The following AK7 variants were observed in gnomAD, a reference collection of about 807,000 sequenced individuals.
AK7 encodes the protein ATP-AMP transphosphorylase 7.
In AK7, 78 loss-of-function variants were observed where a neutral mutation model predicts 96.6. That is an observed-to-expected ratio of 0.81 (90% CI 0.67 to 0.97). The LOEUF (loss-of-function observed/expected upper bound fraction) is 0.97. AK7 is among the 50% of genes least tolerant of loss of function. The pLI is 0.00. For synonymous variants in AK7, 302 were observed against 317.2 expected, an observed-to-expected ratio of 0.95 and a Z score of 0.51; for missense variants, 855 against 887.9, an observed-to-expected ratio of 0.96 and a Z score of 0.47.
intron 4 of AK7, among the ~76,000 whole-genome samples, chr14:96,419,962 T>A (rs1891583375): frequency 6.6e-6 from 1 of 151,560 alleles, no homozygotes; most frequent in Non-Finnish European, 1.5e-5. Context: ...CTAATTTTTG[T>A]ATTTTTAGCA....
chr14:96,446,530 G>T lies in AK7; in HGVS notation c.793G>T (p.Val265Phe), dbSNP rs114724524. The T allele has an allele frequency of 7.4e-6, 12 of 1,613,926 alleles. No individual in the cohort carries two copies. In the African/African-American group the frequency reaches 9.3e-5, roughly 13 times the overall value. Residue 265 changes from valine to phenylalanine, a missense_variant, in exon 8 of 18, where the codon GTC (valine) becomes TTC (phenylalanine). Physicochemically the swap from Val to Phe is conservative, Grantham distance 50 (BLOSUM62 -1). Coordinates refer to ENST00000267584, the MANE Select transcript of AK7 (RefSeq NM_152327.5). Reference sequence around the variant, plus strand: ...GTGGGTCTGCAGAGTGATACAAAACGTCATAGATCACGTGCCAAAGCCTCA... The same window carrying T: ...GTGGGTCTGCAGAGTGATACAAAACTTCATAGATCACGTGCCAAAGCCTCA... Reference protein sequence around the residue: ...VLDLAGVIQNVIDHVPKPHYL... With the variant: ...VLDLAGVIQNFIDHVPKPHYL...
chr14:96,449,637 TCA>T, intron 8 of AK7, among the ~76,000 whole-genome samples, 163 bp from the exon 9 acceptor site: 1 of 152,190 alleles, frequency 6.6e-6, no homozygotes, highest in Non-Finnish European at 1.5e-5. Context: ...TTTCACCATG[TCA>T]GCCAGGTTGG....
At chr14:96,471,669 A>G in intron 13 of AK7, 63 bp downstream of exon 13, 1 of 1,304,166 alleles carries the variant, frequency 7.7e-7, no homozygotes, top group South Asian at 2.0e-5. Flanking sequence ...TATTGTTCAG[A>G]GAAGTAGTCA....
At chr14:96,404,486 G>A (rs1168046380) in intron 2 of AK7, among the ~76,000 whole-genome samples, 1 of 152,094 alleles carries the variant, frequency 6.6e-6, no homozygotes, top group Non-Finnish European at 1.5e-5. Flanking sequence ...CTTCTGAATT[G>A]GAGTTTAAAC....
At chr14:96,407,338 A>G (rs968980969) in intron 3 of AK7, among the ~76,000 whole-genome samples, 3 of 152,226 alleles carry the variant, frequency 2.0e-5, no homozygotes, top group African/African-American at 7.2e-5. Flanking sequence ...AACAAAAGTA[A>G]CACAAAGTTT....
chr14:96,462,532 C>T (rs1045756394), intron 12 of AK7, among the ~76,000 whole-genome samples: 3 of 152,176 alleles, frequency 2.0e-5, no homozygotes, highest in Non-Finnish European at 4.4e-5. Flanking sequence ...CTCCCATCGG[C>T]CCCTGATGGT....
rs1044187680 is a variant in AK7 at position 96,483,812 on chromosome 14, T to G, written c.1974+593T>G. Among the ~76,000 whole-genome samples the G allele has an allele frequency of 3.3e-5, 5 of 152,326 alleles. No homozygotes were observed. The South Asian group carries it at 1.0e-3, about 32-fold the overall frequency. On this transcript the variant is annotated intron_variant, in intron 16 of 17. Coordinates refer to ENST00000267584, the MANE Select transcript of AK7 (RefSeq NM_152327.5). ...AAATGTGTAACATTTTACTATGCATTGACCTCATGATTTGATTTGATTTTC... is the reference window on the plus strand; with the variant it reads ...AAATGTGTAACATTTTACTATGCATGGACCTCATGATTTGATTTGATTTTC...
chr14:96,485,951 G>A (rs566830671), intron 16 of AK7, among the ~76,000 whole-genome samples: 2 of 151,866 alleles, frequency 1.3e-5, no homozygotes, highest in Non-Finnish European at 2.9e-5. Context: ...GCCCGCCACC[G>A]CGCCCGGTTA....
At chr14:96,407,656 A>G (rs1439313488) in intron 3 of AK7, among the ~76,000 whole-genome samples, 2 of 141,158 alleles carry the variant, frequency 1.4e-5, no homozygotes, top group Non-Finnish European at 3.0e-5. Context: ...ATCTCGGCTC[A>G]CTGCAAGCTC....
At chr14:96,436,552 G>A (rs1341601547) in intron 5 of AK7, among the ~76,000 whole-genome samples, 1 of 152,164 alleles carries the variant, frequency 6.6e-6, no homozygotes, top group East Asian at 1.9e-4. Flanking sequence ...GGCTGAGGCA[G>A]GAGAATCACT....
chr14:96,459,265 G>A (rs1231327182), intron 12 of AK7, among the ~76,000 whole-genome samples: 1 of 152,012 alleles, frequency 6.6e-6, no homozygotes, highest in Non-Finnish European at 1.5e-5. Context: ...TTGAACCCGG[G>A]AGGTGGAGGC....
At chr14:96,422,790 A>G (rs1178419106) in intron 5 of AK7, among the ~76,000 whole-genome samples, 2 of 152,230 alleles carry the variant, frequency 1.3e-5, no homozygotes, top group African/African-American at 4.8e-5. Context: ...GGGTCGCCCT[A>G]TAGCAGCAAA....
At chr14:96,459,016 A>C (rs1239668224) in intron 12 of AK7, among the ~76,000 whole-genome samples, 1 of 148,732 alleles carries the variant, frequency 6.7e-6, no homozygotes, top group Non-Finnish European at 1.5e-5. Flanking sequence ...ATCTGTTGGT[A>C]GGATGGGGAA....
rs542106859 is a variant in AK7, at chr14:96,415,776, A to C, written c.499-5046A>C. On this transcript the variant is annotated intron_variant, in intron 4 of 17. Transcript: ENST00000267584. ...TTAATTTAATACATTAATTAATTAA[A>C]TTAATTTAATACATTAATTAATTAA... Among the ~76,000 whole-genome samples, 17 of 149,410 alleles carry C rather than the reference A, an allele frequency of 1.1e-4. No individual in the cohort carries two copies. In the South Asian group the frequency reaches 3.5e-3, roughly 31 times the overall value.
At chr14:96,409,053 C>T in intron 4 of AK7, 112 bp downstream of exon 4, 1 of 1,041,394 alleles carries the variant, frequency 9.6e-7, no homozygotes, top group South Asian at 1.6e-5. Context: ...CTCCTGAATC[C>T]TATCCCATAA....
At chr14:96,441,520 T>C (rs1459228403) in intron 6 of AK7, among the ~76,000 whole-genome samples, 1 of 151,106 alleles carries the variant, frequency 6.6e-6, no homozygotes, top group Admixed American at 6.6e-5. Flanking sequence ...ATGCTTGTGA[T>C]CCCAACTATT....
chr14:96,408,716 A>C (rs1025149203), intron 3 of AK7, 131 bp from the exon 4 acceptor site: 1 of 697,098 alleles, frequency 1.4e-6, no homozygotes, highest in African/African-American at 1.8e-5. Context: ...TGATGGGAAC[A>C]GGTCAAAGAA....
At chr14:96,426,145 T>C (rs537249474) in intron 5 of AK7, among the ~76,000 whole-genome samples, 1 of 152,216 alleles carries the variant, frequency 6.6e-6, no homozygotes, top group Non-Finnish European at 1.5e-5. Context: ...GGTGATATGA[T>C]TTAGTTTCTT....
chr14:96,478,720 C>T, intron 15 of AK7, 58 bp downstream of exon 15: 2 of 1,546,794 alleles, frequency 1.3e-6, no homozygotes, highest in Non-Finnish European at 1.8e-6. Context: ...AAGCTTGGTG[C>T]AGGTCTAGCT....
Sources: gnomAD v4.1 joint callset for allele counts (sites outside exome capture counted in the v4.1 genomes callset) on GRCh38, gnomAD v4.1.1 for gene constraint, MANE v1.5 for transcripts, NCBI Gene and HGNC (gene_info 2026-07-23, HGNC 2026-07-21) for gene names.